The following SLC7A1 variants were observed in gnomAD, a reference collection of about 807,000 sequenced individuals.
The protein encoded by SLC7A1 is solute carrier family 7 member 1.
SLC7A1 carries 10 observed loss-of-function variants against 53.9 expected under a neutral mutation model. The ratio of observed to expected loss-of-function variants is 0.19; its 90% CI spans 0.11 to 0.31. The LOEUF is 0.31. SLC7A1 is among the 10% of genes least tolerant of loss of function. The pLI, the probability that SLC7A1 is intolerant of heterozygous loss-of-function variation, is 1.00. For synonymous variants in SLC7A1, 342 were observed against 338.7 expected (o/e 1.01, Z -0.11); for missense variants, 525 against 827.2 (o/e 0.63, Z 4.48).
chr13:29,542,645 G>A (rs867824942), intron 2 of SLC7A1, among the ~76,000 whole-genome samples: 6 of 147,194 alleles, frequency 4.1e-5, no homozygotes, highest in Non-Finnish European at 7.4e-5. Flanking sequence ...ATCACACACC[G>A]CACTCCAGCA....
intron 1 of SLC7A1, among the ~76,000 whole-genome samples, chr13:29,582,171 C>T (rs901088736): frequency 6.6e-6 from 1 of 152,230 alleles, no homozygotes; most frequent in Admixed American, 6.5e-5. Context: ...ATGAGGAGGG[C>T]TGCTTGCCAC....
chr13:29,527,987 G>A (rs1180055857), intron 5 of SLC7A1, among the ~76,000 whole-genome samples: 1 of 152,262 alleles, frequency 6.6e-6, no homozygotes, highest in East Asian at 1.9e-4. Context: ...GAGGATGTTT[G>A]AGCAGAAGTG....
At chr13:29,581,244 C>A (rs2139183005) in intron 1 of SLC7A1, among the ~76,000 whole-genome samples, 1 of 152,232 alleles carries the variant, frequency 6.6e-6, no homozygotes. Context: ...TACAAGAAAA[C>A]CATTTTGATC....
intron 5 of SLC7A1, among the ~76,000 whole-genome samples, chr13:29,526,166 T>C (rs1405267459): frequency 6.6e-6 from 1 of 152,146 alleles, no homozygotes; most frequent in African/African-American, 2.4e-5. Flanking sequence ...ACTCAGCTCC[T>C]ATGACATCAA....
intron 2 of SLC7A1, 47 bp from the exon 3 acceptor site, chr13:29,536,249 C>G: frequency 6.5e-7 from 1 of 1,542,644 alleles, no homozygotes. Context: ...CTCATTTCAC[C>G]CATTACTCTA....
At chr13:29,559,769 G>A (rs932509084) in intron 1 of SLC7A1, among the ~76,000 whole-genome samples, 7 of 150,792 alleles carry the variant, frequency 4.6e-5, no homozygotes, top group East Asian at 2.0e-4. Context: ...AGGCTGGAGT[G>A]CAGTGGCGCG....
chr13:29,562,030 C>G (rs1181099880), intron 1 of SLC7A1, among the ~76,000 whole-genome samples: 1 of 152,202 alleles, frequency 6.6e-6, no homozygotes, highest in Admixed American at 6.5e-5. Flanking sequence ...ATGGATGGTA[C>G]TAGAAACCAA....
intron 1 of SLC7A1, among the ~76,000 whole-genome samples, chr13:29,583,778 T>C (rs991339003): frequency 3.9e-5 from 6 of 152,284 alleles, no homozygotes; most frequent in African/African-American, 1.4e-4. Flanking sequence ...TGTATCAAAC[T>C]CTGAGACCAG....
chr13:29,548,979 C>A (rs1273530502), intron 2 of SLC7A1, among the ~76,000 whole-genome samples: 1 of 152,202 alleles, frequency 6.6e-6, no homozygotes, highest in Non-Finnish European at 1.5e-5. Context: ...ACACTCACTC[C>A]AGAAGGAACA....
At chr13:29,573,343 G>C (rs993600968) in intron 1 of SLC7A1, among the ~76,000 whole-genome samples, 2 of 152,196 alleles carry the variant, frequency 1.3e-5, no homozygotes, top group Admixed American at 6.5e-5. Context: ...CCAGAGGCAC[G>C]TGTTGCCGGG....
chr13:29,563,678 A>G (rs1175009532), intron 1 of SLC7A1, among the ~76,000 whole-genome samples: 1 of 152,100 alleles, frequency 6.6e-6, no homozygotes, highest in African/African-American at 2.4e-5. Flanking sequence ...CAGCATGGAG[A>G]AGATGGGCAG....
chr13:29,555,620 G>A (rs2139139348), intron 1 of SLC7A1, among the ~76,000 whole-genome samples: 1 of 151,644 alleles, frequency 6.6e-6, no homozygotes, highest in East Asian at 2.0e-4. Context: ...TGGCTGCCAA[G>A]GGGCCATGAT....
Position 29,522,972 on chromosome 13 carries a change from C to T in SLC7A1, c.1049+294G>A, listed in dbSNP as rs116604049. The stretch of plus-strand genomic sequence containing the variant: ...GGGCCAAAATATGGTGTTCAAACAG[C>T]GGGCCTGTTCCAGTGGCCAGATTTA... On this transcript the variant is annotated intron_variant, in intron 7 of 12. Transcript: ENST00000380752. 2.9e-3 allele frequency among the ~76,000 whole-genome samples: 442 copies of T among 152,304 alleles called. 2 individuals carry two copies. Among genetic ancestry groups the T allele is most frequent in the African/African-American group, 0.01 (429 of 41,564 alleles).
intron 1 of SLC7A1, among the ~76,000 whole-genome samples, chr13:29,577,070 C>T (rs1871442445): frequency 1.3e-5 from 2 of 152,200 alleles, no homozygotes; most frequent in South Asian, 2.1e-4. Context: ...CAGAGTGAAA[C>T]ACAAGGTGAA....
intron 4 of SLC7A1, among the ~76,000 whole-genome samples, chr13:29,531,940 C>A (rs1167375824): frequency 6.6e-6 from 1 of 152,176 alleles, no homozygotes; most frequent in African/African-American, 2.4e-5. Flanking sequence ...AGGGAGAACA[C>A]CTCAACAAAC....
rs140860516 is a variant in SLC7A1, at chr13:29,571,405, T to C, written c.-114-17545A>G. On this transcript the variant is annotated intron_variant, in intron 1 of 12. Coordinates refer to ENST00000380752, the MANE Select transcript of SLC7A1 (RefSeq NM_003045.5). ...ATTTTAATTTTAAAACATTTAAACA[T>C]GTAAAGGTCCCAGGCTCTATAGCAT... Among the ~76,000 whole-genome samples the C allele has an allele frequency of 4.1e-3, 622 of 152,318 alleles. 3 individuals carry two copies. The highest frequency in any genetic ancestry group is 0.014 in the African/African-American group (581 of 41,576).
chr13:29,540,558 T>TG (rs1232464890), intron 2 of SLC7A1, among the ~76,000 whole-genome samples: 8 of 152,244 alleles, frequency 5.3e-5, no homozygotes, highest in African/African-American at 1.7e-4. Context: ...CACCTTGAAT[T>TG]TAACGGATCA....
chr13:29,524,034 G>C (rs553040410), intron 6 of SLC7A1, 98 bp downstream of exon 6: 1 of 1,215,924 alleles, frequency 8.2e-7, no homozygotes, highest in Non-Finnish European at 1.2e-6. Context: ...GTGAAAGAGC[G>C]GCGACTGGAC....
intron 12 of SLC7A1, among the ~76,000 whole-genome samples, chr13:29,515,300 G>T (rs1482351223): frequency 6.6e-6 from 1 of 152,252 alleles, no homozygotes; most frequent in Non-Finnish European, 1.5e-5. Flanking sequence ...AGGCCTGGAG[G>T]AAGTGGCCAG....
Sources: gnomAD v4.1 joint callset for allele counts (sites outside exome capture counted in the v4.1 genomes callset) on GRCh38, gnomAD v4.1.1 for gene constraint, MANE v1.5 for transcripts, NCBI Gene and HGNC (gene_info 2026-07-23, HGNC 2026-07-21) for gene names.